Variants in NRXN3 observed in about 807,000 individuals in gnomAD.
The protein encoded by NRXN3 is neurexin 3.
NRXN3 carries 32 observed loss-of-function variants against 137.6 expected under a neutral mutation model. The ratio of observed to expected loss-of-function variants is 0.23; its 90% CI spans 0.18 to 0.31. The LOEUF is 0.31. Ranked by LOEUF, NRXN3 falls within the 10% of genes least tolerant of loss-of-function variation. The pLI, the probability that NRXN3 is intolerant of heterozygous loss-of-function variation, is 1.00. For missense variants in NRXN3, 1,574 were observed against 2,062.5 expected, an observed-to-expected ratio of 0.76 and a Z score of 4.59; for synonymous variants, 798 against 784.5, an observed-to-expected ratio of 1.02 and a Z score of -0.29.
chr14:79,135,607 C>T (rs927651852), intron 15 of NRXN3, among the ~76,000 whole-genome samples: 1 of 152,154 alleles, frequency 6.6e-6, no homozygotes, highest in African/African-American at 2.4e-5. Flanking sequence ...ATCTCTCTCC[C>T]CCTTACAAAA....
chr14:79,734,115 C>T (rs140459195), intron 19 of NRXN3, among the ~76,000 whole-genome samples: 28 of 152,300 alleles, frequency 1.8e-4, no homozygotes, highest in South Asian at 1.0e-3. Flanking sequence ...ATGGTCTGCA[C>T]CTCCCCCAAA....
chr14:78,737,226 C>G (rs372906434), intron 8 of NRXN3, among the ~76,000 whole-genome samples: 20 of 152,274 alleles, frequency 1.3e-4, no homozygotes, highest in South Asian at 1.2e-3. Flanking sequence ...AATGGTCCAG[C>G]CTTCTAATTC....
At chr14:78,849,984 C>G (rs77686331) in intron 10 of NRXN3, among the ~76,000 whole-genome samples, 5,137 of 152,152 alleles carry the variant, frequency 0.034, 109 homozygotes, top group Middle Eastern at 0.054. Flanking sequence ...CTTTGATGTA[C>G]CACATATGGA....
At chr14:78,484,321 C>A (rs2095527248) in intron 4 of NRXN3, among the ~76,000 whole-genome samples, 1 of 152,208 alleles carries the variant, frequency 6.6e-6, no homozygotes, top group Non-Finnish European at 1.5e-5. Context: ...ACCTCTCCAG[C>A]CCTTTGGCCT....
intron 10 of NRXN3, among the ~76,000 whole-genome samples, chr14:78,837,438 G>A (rs2099000240): frequency 6.6e-6 from 1 of 151,972 alleles, no homozygotes; most frequent in Admixed American, 6.6e-5. Context: ...ACAAGTTTAT[G>A]GAAGGAAACC....
chr14:78,954,986 T>G (rs779852704), intron 10 of NRXN3, among the ~76,000 whole-genome samples: 2 of 152,126 alleles, frequency 1.3e-5, no homozygotes, highest in Non-Finnish European at 2.9e-5. Context: ...AATGAAGCAA[T>G]GTTCCCAAAC....
At chr14:79,292,310 C>A (rs1271275302) in intron 15 of NRXN3, among the ~76,000 whole-genome samples, 1 of 152,222 alleles carries the variant, frequency 6.6e-6, no homozygotes, top group South Asian at 2.1e-4. Flanking sequence ...GAGTGAGGGA[C>A]CCCCTCTCCT....
intron 4 of NRXN3, among the ~76,000 whole-genome samples, chr14:78,583,134 G>A (rs541108161): frequency 4.6e-5 from 7 of 152,186 alleles, no homozygotes; most frequent in South Asian, 4.1e-4. Context: ...ACCCGGGACC[G>A]TCAAACAGAC....
chr14:78,795,173 A>G (rs568595087), intron 8 of NRXN3, among the ~76,000 whole-genome samples: 15 of 152,224 alleles, frequency 9.9e-5, no homozygotes, highest in Non-Finnish European at 1.9e-4. Flanking sequence ...CGAGGAAATC[A>G]TAACTCTCTG....
At chr14:78,796,085 G>A (rs574422473) in intron 8 of NRXN3, among the ~76,000 whole-genome samples, 41 of 152,286 alleles carry the variant, frequency 2.7e-4, no homozygotes, top group Middle Eastern at 3.4e-3. Context: ...TTGCAGAAGC[G>A]GTATTATGGG....
intron 15 of NRXN3, among the ~76,000 whole-genome samples, chr14:79,082,610 G>T (rs1370824298): frequency 6.6e-6 from 1 of 152,058 alleles, no homozygotes; most frequent in Non-Finnish European, 1.5e-5. Context: ...AGAAACTAAG[G>T]CCAAGAGATG....
chr14:79,467,594 C>T (rs1275946090), intron 16 of NRXN3, among the ~76,000 whole-genome samples, 192 bp downstream of exon 16: 1 of 152,104 alleles, frequency 6.6e-6, no homozygotes, highest in Non-Finnish European at 1.5e-5. Context: ...TTCCTTCTTC[C>T]CCATGTATAT....
At chr14:78,217,463 T>C (rs1306697158) in intron 1 of NRXN3, among the ~76,000 whole-genome samples, 2 of 152,150 alleles carry the variant, frequency 1.3e-5, no homozygotes, top group East Asian at 1.9e-4. Context: ...AAGGAGAGCC[T>C]GCAACAAGGA....
At chr14:79,108,774 T>G (rs2152873492) in intron 15 of NRXN3, among the ~76,000 whole-genome samples, 1 of 152,170 alleles carries the variant, frequency 6.6e-6, no homozygotes, top group Middle Eastern at 3.4e-3. Context: ...AGAAAGAAAT[T>G]TTTCCTTTCT....
intron 10 of NRXN3, among the ~76,000 whole-genome samples, chr14:78,831,350 A>G (rs946368970): frequency 3.3e-5 from 5 of 152,040 alleles, no homozygotes; most frequent in Non-Finnish European, 5.9e-5. Context: ...AGCCTGGCCA[A>G]GATGGTGAAA....
intron 4 of NRXN3, among the ~76,000 whole-genome samples, chr14:78,357,125 G>A (rs1597717368): frequency 1.3e-5 from 2 of 152,148 alleles, no homozygotes; most frequent in Admixed American, 1.3e-4. Flanking sequence ...ACATACCTGC[G>A]ACTTGGCAGT....
intron 15 of NRXN3, among the ~76,000 whole-genome samples, chr14:79,239,806 A>G (rs1348678255): frequency 6.6e-6 from 1 of 152,202 alleles, no homozygotes; most frequent in Admixed American, 6.5e-5. Context: ...TGGTATATAC[A>G]CAATCGAATA....
intron 4 of NRXN3, among the ~76,000 whole-genome samples, chr14:78,427,152 C>T (rs545124423): frequency 6.4e-4 from 97 of 152,228 alleles, no homozygotes; most frequent in Non-Finnish European, 2.2e-4. Flanking sequence ...AAGGAGGAGG[C>T]GGTGTCTGTG....
At chr14:79,192,130 G>T (rs2153182475) in intron 15 of NRXN3, among the ~76,000 whole-genome samples, 1 of 152,234 alleles carries the variant, frequency 6.6e-6, no homozygotes, top group Non-Finnish European at 1.5e-5. Flanking sequence ...CTTGTGATCT[G>T]CCCACCTCGG....
Sources: allele counts gnomAD v4.1 joint callset (sites outside exome capture counted in the v4.1 genomes callset), GRCh38; gene constraint gnomAD v4.1.1; transcripts MANE v1.5; gene names NCBI Gene and HGNC (gene_info 2026-07-23, HGNC 2026-07-21).